PTPRD: variants seen among roughly 807,000 people sequenced by gnomAD.
PTPRD encodes the protein receptor-type tyrosine-protein phosphatase delta.
A neutral mutation model predicts 214.5 loss-of-function variants in PTPRD; 34 were observed. That is an observed-to-expected ratio of 0.16 (90% CI 0.12 to 0.21). The LOEUF (loss-of-function observed/expected upper bound fraction) is 0.21, where lower values mean the gene tolerates loss of function less well. Ranked by LOEUF, PTPRD falls within the 10% of genes least tolerant of loss-of-function variation. PTPRD has a pLI of 1.00. For missense variants in PTPRD, 2,545 were observed against 2,398.7 expected (o/e 1.06, Z -1.27); for synonymous variants, 1,128 against 845.7 (o/e 1.33, Z -5.79).
chr9:10,493,298 C>G (rs34970920), intron 2 of PTPRD, among the ~76,000 whole-genome samples: 2 of 152,022 alleles, frequency 1.3e-5, no homozygotes, highest in Non-Finnish European at 2.9e-5. Context: ...CATAACAATC[C>G]TAAGCAAAAA....
At chr9:10,267,116 G>C (rs772101235) in intron 3 of PTPRD, among the ~76,000 whole-genome samples, 1 of 150,916 alleles carries the variant, frequency 6.6e-6, no homozygotes, top group Non-Finnish European at 1.5e-5. Context: ...GCCTGAACTC[G>C]GGGGGCAGAG....
intron 14 of PTPRD, among the ~76,000 whole-genome samples, chr9:8,539,314 G>T (rs2077758340): frequency 6.6e-6 from 1 of 151,890 alleles, no homozygotes; most frequent in South Asian, 2.1e-4. Context: ...GCATCTCCTA[G>T]ATTTGCAGTA....
At chr9:10,562,683 T>C (rs890779046) in intron 2 of PTPRD, among the ~76,000 whole-genome samples, 4 of 152,258 alleles carry the variant, frequency 2.6e-5, no homozygotes, top group East Asian at 1.9e-4. Context: ...TAATGTGCCA[T>C]GCAAACAAGT....
At chr9:9,906,209 C>T (rs938993765) in intron 5 of PTPRD, among the ~76,000 whole-genome samples, 1 of 151,770 alleles carries the variant, frequency 6.6e-6, no homozygotes, top group Non-Finnish European at 1.5e-5. Flanking sequence ...TAAAGTACAA[C>T]CAGTTTCATG....
chr9:9,956,938 C>T (rs1316634420), intron 4 of PTPRD, among the ~76,000 whole-genome samples: 2 of 152,100 alleles, frequency 1.3e-5, no homozygotes, highest in East Asian at 3.9e-4. Flanking sequence ...TATAACTGCC[C>T]ATAGGTGGTA....
chr9:8,548,192 G>A (rs2080838516), intron 14 of PTPRD, among the ~76,000 whole-genome samples: 1 of 152,182 alleles, frequency 6.6e-6, no homozygotes, highest in African/African-American at 2.4e-5. Flanking sequence ...ATAAGTGCGA[G>A]GTGGATTCAA....
At chr9:9,815,516 T>C (rs1241956235) in intron 5 of PTPRD, among the ~76,000 whole-genome samples, 1 of 152,020 alleles carries the variant, frequency 6.6e-6, no homozygotes, top group East Asian at 1.9e-4. Flanking sequence ...AAACCAGTGG[T>C]CTATATCAAA....
chr9:10,366,516 T>C (rs1489851480), intron 2 of PTPRD, among the ~76,000 whole-genome samples: 2 of 152,152 alleles, frequency 1.3e-5, no homozygotes, highest in Non-Finnish European at 2.9e-5. Context: ...AAGCAAAATA[T>C]AGAGATGTAA....
intron 3 of PTPRD, among the ~76,000 whole-genome samples, chr9:10,279,736 G>C (rs532969431): frequency 6.6e-6 from 1 of 151,454 alleles, no homozygotes; most frequent in South Asian, 2.1e-4. Flanking sequence ...TTTCCTCTGA[G>C]CGACAGTTAA....
intron 8 of PTPRD, among the ~76,000 whole-genome samples, chr9:9,457,027 G>A (rs1240716449): frequency 3.3e-5 from 5 of 151,904 alleles, no homozygotes; most frequent in South Asian, 2.1e-4. Context: ...CCAGTCATAG[G>A]GCAACTCTCT....
At chr9:9,670,437 G>A (rs1169534609) in intron 7 of PTPRD, among the ~76,000 whole-genome samples, 1 of 152,180 alleles carries the variant, frequency 6.6e-6, no homozygotes, top group African/African-American at 2.4e-5. Flanking sequence ...ATTTTCTGAG[G>A]AGAAATTCAA....
chr9:8,341,295 A>G (rs755777928), intron 40 of PTPRD, 27 bp from the exon 41 acceptor site: 1 of 1,550,994 alleles, frequency 6.4e-7, no homozygotes, highest in East Asian at 2.3e-5. Context: ...AAAAAAAAGG[A>G]AAAACCCAAC....
intron 9 of PTPRD, among the ~76,000 whole-genome samples, chr9:9,376,473 A>C (rs2060835356): frequency 6.6e-6 from 1 of 152,182 alleles, no homozygotes; most frequent in Non-Finnish European, 1.5e-5. Context: ...CATAGTGTTT[A>C]GGACTAGGAA....
At chr9:9,824,764 G>A (rs533927392) in intron 5 of PTPRD, among the ~76,000 whole-genome samples, 2 of 152,120 alleles carry the variant, frequency 1.3e-5, no homozygotes, top group East Asian at 3.9e-4. Context: ...AGATGATTTT[G>A]TGAGTCTTCA....
intron 11 of PTPRD, among the ~76,000 whole-genome samples, chr9:8,771,957 G>A (rs1414747773): frequency 6.6e-6 from 1 of 151,826 alleles, no homozygotes; most frequent in African/African-American, 2.4e-5. Flanking sequence ...GCAAATATCA[G>A]ACTGTAAGAA....
chr9:9,707,256 G>C (rs911470553), intron 7 of PTPRD, among the ~76,000 whole-genome samples: 1 of 152,132 alleles, frequency 6.6e-6, no homozygotes, highest in Non-Finnish European at 1.5e-5. Context: ...TAAAACCAGT[G>C]TGCTGTTAAA....
chr9:8,851,109 T>C (rs1055710213), intron 11 of PTPRD, among the ~76,000 whole-genome samples: 2 of 151,152 alleles, frequency 1.3e-5, no homozygotes, highest in Non-Finnish European at 2.9e-5. Flanking sequence ...GCACCCACCA[T>C]CCATCATTGC....
In PTPRD at chr9:9,327,571, A is replaced by C. The variant is rs942237641; in HGVS notation, c.-203+69878T>G. ...ACTTTTAAACAGCCATATCCATGAC[A>C]GATAGTAATAACATCTTGTATTCAC... On this transcript the variant is annotated intron_variant, in intron 9 of 45. Coordinates refer to ENST00000381196, the MANE Select transcript of PTPRD (RefSeq NM_002839.4). Among the ~76,000 whole-genome samples, 4 of 152,204 alleles carry C rather than the reference A, an allele frequency of 2.6e-5. No homozygotes were observed. The South Asian group carries it at 6.2e-4, about 24-fold the overall frequency.
chr9:9,951,404 A>G (rs994291379), intron 4 of PTPRD, among the ~76,000 whole-genome samples: 8 of 152,236 alleles, frequency 5.3e-5, no homozygotes, highest in African/African-American at 1.7e-4. Context: ...TAGCCTTAAT[A>G]TATTTATGAC....
Sources: gnomAD v4.1 joint callset for allele counts (sites outside exome capture counted in the v4.1 genomes callset) on GRCh38, gnomAD v4.1.1 for gene constraint, MANE v1.5 for transcripts, NCBI Gene and HGNC (gene_info 2026-07-23, HGNC 2026-07-21) for gene names.